The following TENM3 variants were observed in gnomAD, a reference collection of about 807,000 sequenced individuals.
The protein encoded by TENM3 is teneurin transmembrane protein 3.
Under a neutral mutation model 255.1 loss-of-function variants are expected in TENM3, and 63 were observed. The observed-to-expected ratio is 0.25, with a 90% confidence interval of 0.20 to 0.30. The LOEUF is 0.30. TENM3 is among the 10% of genes least tolerant of loss of function. The pLI is 1.00. For synonymous variants in TENM3, 1,306 were observed against 1,322.3 expected (o/e 0.99, Z 0.27); for missense variants, 2,929 against 3,461.1 (o/e 0.85, Z 3.86).
chr4:182,117,662 A>G, the TENM3 span, among the ~76,000 whole-genome samples: 1 of 152,196 alleles, frequency 6.6e-6, no homozygotes, highest in Admixed American at 6.5e-5. Flanking sequence ...ATATTTGTCT[A>G]TTCTTTCACC....
chr4:182,515,353 A>AT (rs1288506105), intron 3 of TENM3, among the ~76,000 whole-genome samples: 1 of 152,106 alleles, frequency 6.6e-6, no homozygotes, highest in African/African-American at 2.4e-5. Context: ...TGTTTGCTGA[A>AT]TTTTTTTGAA....
At chr4:182,027,262 TTTCTC>T in the TENM3 span, among the ~76,000 whole-genome samples, 1 of 152,170 alleles carries the variant, frequency 6.6e-6, no homozygotes, top group Admixed American at 6.5e-5. Context: ...ACTTTTTTGA[TTTCTC>T]TTCAGATTGC....
chr4:181,899,480 A>T, the TENM3 span, among the ~76,000 whole-genome samples: 1 of 152,114 alleles, frequency 6.6e-6, no homozygotes, highest in Admixed American at 6.6e-5. Flanking sequence ...CAATTTTTAA[A>T]CTAATTTTAC....
intron 1 of TENM3, among the ~76,000 whole-genome samples, chr4:182,290,124 G>A (rs909247155): frequency 9.2e-5 from 14 of 152,144 alleles, no homozygotes; most frequent in Non-Finnish European, 1.6e-4. Context: ...TTCCTGTGTC[G>A]CTGTGGACTA....
chr4:181,494,170 A>G, the TENM3 span, among the ~76,000 whole-genome samples: 1 of 152,192 alleles, frequency 6.6e-6, no homozygotes. Flanking sequence ...TGGTTCTATA[A>G]TATTTGCTAC....
chr4:181,463,875 T>C, the TENM3 span, among the ~76,000 whole-genome samples: 1 of 152,200 alleles, frequency 6.6e-6, no homozygotes, highest in Non-Finnish European at 1.5e-5. Context: ...GTGCCTACTC[T>C]GTGTAGTTTA....
chr4:182,198,555 G>A (rs1467482580), intron 1 of TENM3, among the ~76,000 whole-genome samples: 2 of 152,242 alleles, frequency 1.3e-5, no homozygotes, highest in Non-Finnish European at 2.9e-5. Context: ...GGTGAGAAGA[G>A]GAAGGACAAA....
the TENM3 span, among the ~76,000 whole-genome samples, chr4:181,668,563 C>T: frequency 6.6e-6 from 1 of 152,120 alleles, no homozygotes; most frequent in East Asian, 1.9e-4. Context: ...TTAATATTTA[C>T]ATAGTGTCCT....
the TENM3 span, among the ~76,000 whole-genome samples, chr4:182,080,669 G>A: frequency 2.3e-4 from 35 of 152,218 alleles, no homozygotes; most frequent in East Asian, 5.6e-3. Context: ...TAACCTGGCC[G>A]CTCTCGTGTA....
rs1744059247 is a variant in TENM3, at chr4:182,568,843, A to C, written c.512-32081A>C. ...ATACATAGAAAAATGAATGCACCTCAAAAACACTAGGTTAAGCAAAAGTGG... is the reference window on the plus strand; with the variant it reads ...ATACATAGAAAAATGAATGCACCTCCAAAACACTAGGTTAAGCAAAAGTGG... On this transcript the variant is annotated intron_variant, in intron 3 of 27. Coordinates refer to ENST00000511685, the MANE Select transcript of TENM3 (RefSeq NM_001080477.4). Among the ~76,000 whole-genome samples the C allele has an allele frequency of 3.3e-5, 5 of 152,254 alleles. No individual in the cohort carries two copies. In the South Asian group the frequency reaches 1.0e-3, roughly 31 times the overall value.
At chr4:182,574,946 T>A (rs1454631980) in intron 3 of TENM3, among the ~76,000 whole-genome samples, 3 of 152,188 alleles carry the variant, frequency 2.0e-5, no homozygotes. Flanking sequence ...CCCCAACTTT[T>A]GCTAAACTTG....
chr4:182,698,472 T>C (rs114813721), intron 12 of TENM3, among the ~76,000 whole-genome samples: 2,417 of 152,298 alleles, frequency 0.016, 66 homozygotes, highest in African/African-American at 0.054. Flanking sequence ...GTTTACAGAT[T>C]ACATCCTCAA....
chr4:182,463,771 G>A (rs751064358), intron 3 of TENM3, among the ~76,000 whole-genome samples: 20 of 151,668 alleles, frequency 1.3e-4, no homozygotes, highest in Admixed American at 6.6e-4. Flanking sequence ...TTACAGGCAT[G>A]CGCCACCATG....
At chr4:181,994,077 C>T in the TENM3 span, among the ~76,000 whole-genome samples, 1 of 152,036 alleles carries the variant, frequency 6.6e-6, no homozygotes, top group East Asian at 1.9e-4. Context: ...TTTCAATGTT[C>T]ACTATATTTG....
chr4:181,913,734 G>T, the TENM3 span, among the ~76,000 whole-genome samples: 1 of 152,128 alleles, frequency 6.6e-6, no homozygotes, highest in Non-Finnish European at 1.5e-5. Flanking sequence ...CTTTAAAATG[G>T]AGAACAAAGA....
At chr4:181,714,665 G>C in the TENM3 span, among the ~76,000 whole-genome samples, 2,832 of 152,154 alleles carry the variant, frequency 0.019, 46 homozygotes, top group Middle Eastern at 0.12. Flanking sequence ...CCCTCCATAG[G>C]CCAGCTCTTT....
At chr4:181,668,650 CT>C in the TENM3 span, among the ~76,000 whole-genome samples, 2 of 152,104 alleles carry the variant, frequency 1.3e-5, no homozygotes, top group Non-Finnish European at 2.9e-5. Context: ...ACCCACTCTA[CT>C]CTAGAATGAC....
At chr4:181,887,070 T>G in the TENM3 span, among the ~76,000 whole-genome samples, 1 of 152,190 alleles carries the variant, frequency 6.6e-6, no homozygotes, top group African/African-American at 2.4e-5. Flanking sequence ...TTCTACAGTG[T>G]ACTTTAAAAA....
At chr4:182,598,258 C>G (rs1015133973) in intron 3 of TENM3, among the ~76,000 whole-genome samples, 1 of 152,180 alleles carries the variant, frequency 6.6e-6, no homozygotes, top group African/African-American at 2.4e-5. Flanking sequence ...GTATTCTGTT[C>G]CACCAAATTT....
Sources: allele counts gnomAD v4.1 joint callset (sites outside exome capture counted in the v4.1 genomes callset), GRCh38; gene constraint gnomAD v4.1.1; transcripts MANE v1.5; gene names NCBI Gene and HGNC (gene_info 2026-07-23, HGNC 2026-07-21).